PRKD1: variants seen among roughly 807,000 people sequenced by gnomAD.
PRKD1 encodes the protein serine/threonine-protein kinase D1.
In PRKD1, 63 loss-of-function variants were observed where a neutral mutation model predicts 95.9. That is an observed-to-expected ratio of 0.66 (90% CI 0.54 to 0.81). PRKD1 has a LOEUF of 0.81. Ranked by LOEUF, PRKD1 falls within the 30% of genes least tolerant of loss-of-function variation. PRKD1 has a pLI of 0.00. For missense variants in PRKD1, 1,048 were observed against 1,165.3 expected (o/e 0.90, Z 1.47); for synonymous variants, 425 against 423.1 (o/e 1.00, Z -0.05).
At chr14:29,618,032 C>G (rs373512430) in intron 13 of PRKD1, among the ~76,000 whole-genome samples, 1 of 152,248 alleles carries the variant, frequency 6.6e-6, no homozygotes, top group East Asian at 1.9e-4. Flanking sequence ...CACGCCACTG[C>G]ATTCCAATGA....
intron 1 of PRKD1, among the ~76,000 whole-genome samples, chr14:29,734,024 C>T (rs1886587491): frequency 8.2e-6 from 1 of 121,218 alleles, no homozygotes; most frequent in South Asian, 2.6e-4. Flanking sequence ...TCATACTTTC[C>T]TGCCTTTTTT....
chr14:29,922,503 ACATAT>A (rs1895155186), intron 1 of PRKD1, among the ~76,000 whole-genome samples: 3 of 152,196 alleles, frequency 2.0e-5, no homozygotes, highest in African/African-American at 7.2e-5. Context: ...ATAATCTACT[ACATAT>A]AAATTCCACA....
At chr14:29,806,323 T>C (rs1049749725) in intron 1 of PRKD1, among the ~76,000 whole-genome samples, 2 of 152,210 alleles carry the variant, frequency 1.3e-5, no homozygotes, top group Non-Finnish European at 2.9e-5. Flanking sequence ...TTTCAGTTTA[T>C]TTTGATCTCA....
chr14:29,770,215 T>C (rs1337953805), intron 1 of PRKD1, among the ~76,000 whole-genome samples: 2 of 152,236 alleles, frequency 1.3e-5, no homozygotes, highest in Non-Finnish European at 2.9e-5. Flanking sequence ...GTCTAAGGTA[T>C]TTTGTTATAG....
chr14:29,624,345 AATG>A (rs1435938174), intron 12 of PRKD1, 87 bp from the exon 13 acceptor site: 17 of 817,858 alleles, frequency 2.1e-5, no homozygotes, highest in African/African-American at 5.3e-5. Context: ...CATTTAAAGA[AATG>A]ATAAACATAT....
intron 13 of PRKD1, among the ~76,000 whole-genome samples, chr14:29,605,994 A>G (rs945139847): frequency 1.3e-5 from 2 of 152,114 alleles, no homozygotes; most frequent in African/African-American, 2.4e-5. Context: ...AAATATGATC[A>G]TAAGTAATGA....
At chr14:29,654,169 C>T (rs6571316) in intron 4 of PRKD1, among the ~76,000 whole-genome samples, 73,959 of 151,438 alleles carry the variant, frequency 0.49, 19,690 homozygotes, top group African/African-American at 0.71. Context: ...TTTATTTTTA[C>T]TTTATTTATT....
intron 1 of PRKD1, among the ~76,000 whole-genome samples, chr14:29,820,671 A>G (rs1890876742): frequency 6.6e-6 from 1 of 152,220 alleles, no homozygotes; most frequent in South Asian, 2.1e-4. Context: ...AATGGGGAAG[A>G]CAAACCAATT....
chr14:29,885,127 A>ATTTT (rs1566654295), intron 1 of PRKD1, among the ~76,000 whole-genome samples: 1 of 149,184 alleles, frequency 6.7e-6, no homozygotes, highest in African/African-American at 2.5e-5. Flanking sequence ...CATCTTTTAA[A>ATTTT]AAAAAAAAAA....
chr14:29,649,767 G>A (rs1881370437), intron 4 of PRKD1, among the ~76,000 whole-genome samples: 1 of 152,118 alleles, frequency 6.6e-6, no homozygotes, highest in African/African-American at 2.4e-5. Context: ...TTCCCATAAA[G>A]CCTTTTTTAA....
intron 7 of PRKD1, among the ~76,000 whole-genome samples, chr14:29,635,560 A>G (rs1880311782): frequency 6.6e-6 from 1 of 152,242 alleles, no homozygotes; most frequent in Admixed American, 6.5e-5. Context: ...CGTAAAATGG[A>G]CACAAAAGTT....
rs545689908 is a variant in PRKD1, at chr14:29,647,926, C to G, written c.697-9022G>C. On this transcript the variant is annotated intron_variant, in intron 4 of 17. Coordinates refer to ENST00000331968, the MANE Select transcript of PRKD1 (RefSeq NM_002742.3). ...GTTGCAGGAATCAGGCTTACAGAAG[C>G]CAGAACAAAAGCAGTTAATCATTAG... is the stretch of plus-strand genomic sequence containing the variant. Among the ~76,000 whole-genome samples the G allele has an allele frequency of 3.3e-5, 5 of 152,270 alleles. No homozygotes were observed. The East Asian group carries it at 9.7e-4, about 29-fold the overall frequency.
At chr14:29,663,590 C>T in intron 4 of PRKD1, 109 bp downstream of exon 4, 1 of 1,255,288 alleles carries the variant, frequency 8.0e-7, no homozygotes, top group Non-Finnish European at 1.1e-6. Flanking sequence ...GTCATTAACA[C>T]CCTGGCTGCA....
chr14:29,698,233 T>C (rs1566546250), intron 2 of PRKD1, among the ~76,000 whole-genome samples: 1 of 152,124 alleles, frequency 6.6e-6, no homozygotes, highest in East Asian at 1.9e-4. Flanking sequence ...TAATCACATA[T>C]GATATACAAC....
intron 4 of PRKD1, among the ~76,000 whole-genome samples, chr14:29,649,077 T>TTGGGC (rs1222484057): frequency 4.6e-5 from 7 of 152,226 alleles, no homozygotes; most frequent in Non-Finnish European, 1.5e-5. Flanking sequence ...GCTGCTGTAG[T>TTGGGC]TGGGCTGCCT....
rs143640293 is a variant in PRKD1, at chr14:29,694,458, G to A, written c.404-28250C>T. ...ATTTCTCAATGTTCTGATATTAAAC[G>A]ATGAAAAGGTTGCATTCTTCTAAGC... On this transcript the variant is annotated intron_variant, in intron 2 of 17. Transcript: ENST00000331968. Among the ~76,000 whole-genome samples the A allele has an allele frequency of 3.9e-5, 6 of 152,274 alleles. No individual in the cohort carries two copies. The East Asian group carries it at 7.7e-4, about 20-fold the overall frequency.
At position 29,577,214 on chromosome 14, in the gene PRKD1, T is replaced by C; in HGVS notation, c.*24A>G. ...ATGTATTTATTAGTTCCACAGTGTT[T>C]TGACAGATTATAGGAGATGGAACTC... is the stretch of plus-strand genomic sequence containing the variant. On this transcript the variant is annotated 3_prime_UTR_variant, in exon 18 of 18. Coordinates refer to ENST00000331968, the MANE Select transcript of PRKD1 (RefSeq NM_002742.3). 6.3e-7 allele frequency: 1 copy of C among 1,592,686 alleles called. No individual in the cohort carries two copies. The highest frequency in any genetic ancestry group is 8.6e-7 in the Non-Finnish European group (1 of 1,161,836).
chr14:29,734,028 C>CTTTTTTTTTTTTTTTTT lies in PRKD1; in HGVS notation c.265-8371_265-8355dup, dbSNP rs58908662. 2.9e-4 allele frequency among the ~76,000 whole-genome samples: 19 copies of CTTTTTTTTTTTTTTTTT among 64,668 alleles called. 6 individuals carry two copies. The highest frequency in any genetic ancestry group is 1.0e-3 in the African/African-American group (13 of 12,726). 42.4% of individuals were successfully genotyped at this position (64,668 alleles called of 152,430 possible). On this transcript the variant is annotated intron_variant, in intron 1 of 17. Coordinates refer to ENST00000331968, the MANE Select transcript of PRKD1 (RefSeq NM_002742.3). ...CTGGTTTTGAGTCATACTTTCCTGC[C>CTTTTTTTTTTTTTTTTT]TTTTTTTTTTTTTTTTTTTTTTTTT...
At chr14:29,727,713 G>A (rs1189601095) in intron 1 of PRKD1, among the ~76,000 whole-genome samples, 6 of 151,928 alleles carry the variant, frequency 3.9e-5, no homozygotes, top group East Asian at 1.9e-4. Flanking sequence ...GTAGGTATGC[G>A]GCATTATTTC....
Sources: gnomAD v4.1 joint callset for allele counts (sites outside exome capture counted in the v4.1 genomes callset) on GRCh38, gnomAD v4.1.1 for gene constraint, MANE v1.5 for transcripts, NCBI Gene and HGNC (gene_info 2026-07-23, HGNC 2026-07-21) for gene names.